Variants in AIG1 observed in about 807,000 individuals in gnomAD.
AIG1 encodes androgen induced 1, also known as androgen-induced gene 1 protein.
A neutral mutation model predicts 31.4 loss-of-function variants in AIG1; 23 were observed. The observed-to-expected ratio is 0.73, with a 90% CI of 0.53 to 1.04. The LOEUF is 1.04. Among genes scored for constraint, AIG1 ranks in the 50% least tolerant of loss-of-function variants. The pLI, the probability that AIG1 is intolerant of heterozygous loss-of-function variation, is 0.00. For missense variants in AIG1, 274 were observed against 295.0 expected, an observed-to-expected ratio of 0.93 and a Z score of 0.52; for synonymous variants, 100 against 110.5, an observed-to-expected ratio of 0.90 and a Z score of 0.60.
intron 3 of AIG1, among the ~76,000 whole-genome samples, chr6:143,241,286 CT>C (rs1229594270): frequency 6.6e-6 from 1 of 152,188 alleles, no homozygotes; most frequent in Non-Finnish European, 1.5e-5. Flanking sequence ...TTCCAAACCC[CT>C]ATGTGAAAAC....
chr6:143,141,213 C>G (rs1423113348), intron 2 of AIG1, among the ~76,000 whole-genome samples: 1 of 152,196 alleles, frequency 6.6e-6, no homozygotes, highest in Non-Finnish European at 1.5e-5. Flanking sequence ...TTTCCTGATG[C>G]TCCCATTATC....
Position 143,137,558 on chromosome 6 carries a change from T to G in AIG1, c.297+568T>G, listed in dbSNP as rs182115044. ...CTTGGGAGAGGAGATCAGTATTAGC[T>G]CATACTTCTTCAGTTACCCAGCTGT... On this transcript the variant is annotated intron_variant, in intron 2 of 5. Coordinates refer to ENST00000357847, the MANE Select transcript of AIG1 (RefSeq NM_016108.4). Among the ~76,000 whole-genome samples the G allele has an allele frequency of 1.3e-3, 199 of 152,292 alleles. 1 individual carries two copies. The highest frequency in any genetic ancestry group is 4.6e-3 in the African/African-American group (190 of 41,544).
At chr6:143,092,088 C>T (rs114126778) in intron 1 of AIG1, among the ~76,000 whole-genome samples, 1 of 152,060 alleles carries the variant, frequency 6.6e-6, no homozygotes, top group Non-Finnish European at 1.5e-5. Context: ...GTGGCAGCTA[C>T]AGCCTTATGA....
chr6:143,079,580 A>C (rs1284307577), intron 1 of AIG1, among the ~76,000 whole-genome samples: 1 of 152,200 alleles, frequency 6.6e-6, no homozygotes, highest in Non-Finnish European at 1.5e-5. Context: ...CTGGCACCAG[A>C]AGCCTACATA....
chr6:143,195,255 A>T (rs1164211520), intron 3 of AIG1, among the ~76,000 whole-genome samples: 1 of 152,118 alleles, frequency 6.6e-6, no homozygotes, highest in Non-Finnish European at 1.5e-5. Context: ...CTGGAAGAGG[A>T]GGTAAAGGTG....
At chr6:143,087,325 G>A (rs925159110) in intron 1 of AIG1, among the ~76,000 whole-genome samples, 1 of 152,160 alleles carries the variant, frequency 6.6e-6, no homozygotes, top group African/African-American at 2.4e-5. Context: ...CCAAGGAATG[G>A]AACCTTGGGC....
At chr6:143,129,819 G>A (rs1276236192) in intron 1 of AIG1, among the ~76,000 whole-genome samples, 1 of 151,250 alleles carries the variant, frequency 6.6e-6, no homozygotes, top group African/African-American at 2.4e-5. Context: ...TATTTTGAAG[G>A]TCTGATATTA....
At chr6:143,116,345 G>A (rs1240017069) in intron 1 of AIG1, among the ~76,000 whole-genome samples, 3 of 152,106 alleles carry the variant, frequency 2.0e-5, no homozygotes, top group Non-Finnish European at 4.4e-5. Flanking sequence ...GGTTGGGCAG[G>A]GAAGGCCCTT....
In AIG1 at chr6:143,311,833, T is replaced by A. The variant is rs527516147; in HGVS notation, c.516-21449T>A. On this transcript the variant is annotated intron_variant, in intron 4 of 5. Coordinates refer to ENST00000357847, the MANE Select transcript of AIG1 (RefSeq NM_016108.4). ...AACCTAAAGACTCCAACAAAAAAAC[T>A]GTTAGAAGTGATAAACAAATTCAGT... Among the ~76,000 whole-genome samples the A allele has an allele frequency of 1.6e-4, 25 of 152,094 alleles. No homozygotes were observed. In the South Asian group the frequency reaches 5.0e-3, roughly 30 times the overall value.
At position 143,292,622 on chromosome 6, in the gene AIG1, C is replaced by T. The variant is rs554604294; in HGVS notation, c.515+8397C>T. The stretch of plus-strand genomic sequence containing the variant: ...TATACTTCTAACCTGTAGAATTCTC[C>T]GATGAATATGTGTTGTTTTAAGCCA... On this transcript the variant is annotated intron_variant, in intron 4 of 5. Transcript: ENST00000357847. This position sits in a 1 kb window ranked among gnomAD's most constrained non-coding sequence, Gnocchi z 4.9. 2.8e-4 allele frequency among the ~76,000 whole-genome samples: 42 copies of T among 152,236 alleles called. 1 individual carries two copies. The highest frequency in any genetic ancestry group is 7.0e-4 in the African/African-American group (29 of 41,532).
chr6:143,100,240 A>G (rs1199146233), intron 1 of AIG1, among the ~76,000 whole-genome samples: 1 of 152,168 alleles, frequency 6.6e-6, no homozygotes, highest in Admixed American at 6.5e-5. Flanking sequence ...GATCCTCTGA[A>G]CCGTAAGATT....
At chr6:143,313,863 A>G (rs932802904) in intron 4 of AIG1, among the ~76,000 whole-genome samples, 3 of 152,072 alleles carry the variant, frequency 2.0e-5, no homozygotes, top group African/African-American at 7.2e-5. Context: ...AAAAATTTAA[A>G]TTAAAAATTA....
chr6:143,097,814 A>G (rs1019767179), intron 1 of AIG1, among the ~76,000 whole-genome samples: 3 of 152,182 alleles, frequency 2.0e-5, no homozygotes, highest in African/African-American at 4.8e-5. Context: ...ACATTCTCCC[A>G]TCATCAAATT....
intron 1 of AIG1, among the ~76,000 whole-genome samples, chr6:143,116,983 A>G (rs1047113788): frequency 6.6e-6 from 1 of 152,042 alleles, no homozygotes; most frequent in Non-Finnish European, 1.5e-5. Flanking sequence ...CAAGGAACGA[A>G]TCTCTGTTTC....
intron 4 of AIG1, among the ~76,000 whole-genome samples, chr6:143,316,777 A>C (rs1040407479): frequency 5.9e-5 from 9 of 152,174 alleles, no homozygotes; most frequent in African/African-American, 2.2e-4. Flanking sequence ...AACCAAGAAA[A>C]GAATAGGGAA....
rs1795486495 is a variant in AIG1 at position 143,258,032 on chromosome 6, A to G, written c.400-26078A>G. Among the ~76,000 whole-genome samples, 1 of 152,208 alleles carries G rather than the reference A, an allele frequency of 6.6e-6. No homozygotes were observed. The highest frequency in any genetic ancestry group is 1.5e-5 in the Non-Finnish European group (1 of 68,042). The stretch of plus-strand genomic sequence containing the variant: ...GAGGAAGGGAAAGGAACAGAAACTA[A>G]TAACTACTGAATGCCTGTTATAAGC... On this transcript the variant is annotated intron_variant, in intron 3 of 5. Coordinates refer to ENST00000357847, the MANE Select transcript of AIG1 (RefSeq NM_016108.4). The surrounding 1 kb of genome is among the most constrained non-coding windows in gnomAD (Gnocchi z 4.7).
At chr6:143,183,149 A>G (rs1391676231) in intron 3 of AIG1, among the ~76,000 whole-genome samples, 1 of 150,650 alleles carries the variant, frequency 6.6e-6, no homozygotes, top group Non-Finnish European at 1.5e-5. Context: ...TAATTGTTTT[A>G]TCTGGGTATT....
intron 3 of AIG1, among the ~76,000 whole-genome samples, chr6:143,272,344 T>A (rs1008577077): frequency 6.6e-6 from 1 of 152,210 alleles, no homozygotes; most frequent in African/African-American, 2.4e-5. Flanking sequence ...AAGTATGTTG[T>A]TATCCAGTTG....
In AIG1 at chr6:143,331,757, G is replaced by T. The variant is rs1777092582; in HGVS notation, c.516-1525G>T. On this transcript the variant is annotated intron_variant, in intron 4 of 5. Transcript: ENST00000357847. This position sits in a 1 kb window ranked among gnomAD's most constrained non-coding sequence, Gnocchi z 4.1. ...GAATGAATTTTCGCCTGCAAGAAGA[G>T]GGGGGATCTCACCCTCATTGATAAC... Among the ~76,000 whole-genome samples, 1 of 151,762 alleles carries T rather than the reference G, an allele frequency of 6.6e-6. No individual in the cohort carries two copies. The highest frequency in any genetic ancestry group is 2.1e-4 in the South Asian group (1 of 4,814).
Sources: allele counts gnomAD v4.1 joint callset (sites outside exome capture counted in the v4.1 genomes callset), GRCh38; gene constraint gnomAD v4.1.1; non-coding constraint Gnocchi (gnomAD v3.1); transcripts MANE v1.5; gene names NCBI Gene and HGNC (gene_info 2026-07-23, HGNC 2026-07-21).